CADM2: variants seen among roughly 807,000 people sequenced by gnomAD.
The protein encoded by CADM2 is cell adhesion molecule 2.
Under a neutral mutation model 49.8 loss-of-function variants are expected in CADM2, and 12 were observed. That is an observed-to-expected ratio of 0.24 (90% CI 0.15 to 0.39). The LOEUF (loss-of-function observed/expected upper bound fraction) is 0.39. Among genes scored for constraint, CADM2 ranks in the 10% least tolerant of loss-of-function variants. The pLI, the probability that CADM2 is intolerant of heterozygous loss-of-function variation, is 1.00. For missense variants in CADM2, 378 were observed against 492.3 expected (o/e 0.77, Z 2.20); for synonymous variants, 214 against 175.4 (o/e 1.22, Z -1.74).
chr3:85,422,523 C>T (rs866243298), intron 1 of CADM2, among the ~76,000 whole-genome samples: 1 of 152,280 alleles, frequency 6.6e-6, no homozygotes, highest in South Asian at 2.1e-4. Context: ...GTGATCCTCC[C>T]TTCTCGGCCT....
intron 1 of CADM2, among the ~76,000 whole-genome samples, chr3:85,078,564 A>G (rs2037038254): frequency 6.6e-6 from 1 of 151,950 alleles, no homozygotes; most frequent in South Asian, 2.1e-4. Context: ...AAAGACATTC[A>G]TATGCAGATA....
At chr3:86,002,825 C>A (rs964226900) in intron 8 of CADM2, among the ~76,000 whole-genome samples, 2 of 152,048 alleles carry the variant, frequency 1.3e-5, no homozygotes, top group Non-Finnish European at 1.5e-5. Flanking sequence ...TTTATGGATA[C>A]CTCGTTCTGA....
intron 1 of CADM2, among the ~76,000 whole-genome samples, chr3:85,676,704 A>G (rs753553308): frequency 7.2e-5 from 11 of 152,098 alleles, no homozygotes; most frequent in Non-Finnish European, 1.2e-4. Context: ...AACATGCGTA[A>G]TACTTCTTTC....
rs139333640 is a variant in CADM2, at chr3:85,312,929, G to A, written c.61+353261G>A. On this transcript the variant is annotated intron_variant, in intron 1 of 9. Transcript: ENST00000383699. ...TATTTTTCAACCATGATTCCTATAG[G>A]AGGAAGACTTATGAAATAGCTTCAA... 5.3e-3 allele frequency among the ~76,000 whole-genome samples: 804 copies of A among 152,220 alleles called. 4 individuals carry two copies. The highest frequency in any genetic ancestry group is 0.018 in the African/African-American group (762 of 41,566).
chr3:85,225,578 A>ATT (rs2042139709), intron 1 of CADM2, among the ~76,000 whole-genome samples: 1 of 151,382 alleles, frequency 6.6e-6, no homozygotes, highest in Admixed American at 6.6e-5. Flanking sequence ...TCTTTTCCCA[A>ATT]GAATACCCTT....
chr3:85,386,909 T>C (rs76363701), intron 1 of CADM2, among the ~76,000 whole-genome samples: 5,075 of 152,238 alleles, frequency 0.033, 110 homozygotes, highest in Non-Finnish European at 0.049. Context: ...AATATTCTCA[T>C]AGGTGGAATA....
chr3:85,540,699 C>T (rs1202198855), intron 1 of CADM2, among the ~76,000 whole-genome samples: 1 of 152,152 alleles, frequency 6.6e-6, no homozygotes, highest in Non-Finnish European at 1.5e-5. Flanking sequence ...CATTTTATTG[C>T]AATAGAAACT....
intron 1 of CADM2, among the ~76,000 whole-genome samples, chr3:85,541,765 ATTTTATATT>A (rs879475535): frequency 0.51 from 39,495 of 77,982 alleles, 7,379 homozygotes; most frequent in East Asian, 0.72. Flanking sequence ...TTATATATAT[ATTTTATATT>A]TTATATATAT....
Position 85,739,978 on chromosome 3 carries a change from C to T in CADM2, c.88+13430C>T, listed in dbSNP as rs1484080794. Among the ~76,000 whole-genome samples, 5 of 152,058 alleles carry T rather than the reference C, an allele frequency of 3.3e-5. No individual in the cohort carries two copies. In the South Asian group the frequency reaches 6.2e-4, roughly 19 times the overall value. ...AGATGAAATATTTAATTCTTATTCT[C>T]GCAACTGGATTCAGCTTAATCAGTT... On this transcript the variant is annotated intron_variant, in intron 2 of 9. Transcript: ENST00000383699.
rs564404789 is a variant in CADM2 at position 85,711,613 on chromosome 3, T to C, written c.62-14909T>C. ...TTTCCAATTTACATTCTAGATCACATTGGTTTGTTTGAAAACATCTTTCCT... is the reference window on the plus strand; with the variant it reads ...TTTCCAATTTACATTCTAGATCACACTGGTTTGTTTGAAAACATCTTTCCT... On this transcript the variant is annotated intron_variant, in intron 1 of 9. Transcript: ENST00000383699. 2.0e-5 allele frequency among the ~76,000 whole-genome samples: 3 copies of C among 152,286 alleles called. No individual in the cohort carries two copies. The South Asian group carries it at 6.2e-4, about 32-fold the overall frequency.
At chr3:85,629,364 C>T (rs2064235250) in intron 1 of CADM2, among the ~76,000 whole-genome samples, 1 of 151,692 alleles carries the variant, frequency 6.6e-6, no homozygotes, top group Non-Finnish European at 1.5e-5. Flanking sequence ...GGATTAAAAC[C>T]TGGCAAAACC....
chr3:85,724,818 A>T (rs971144144), intron 1 of CADM2, among the ~76,000 whole-genome samples: 2 of 151,862 alleles, frequency 1.3e-5, no homozygotes, highest in African/African-American at 4.8e-5. Context: ...GTAATTTTTG[A>T]TATATATCAA....
intron 1 of CADM2, among the ~76,000 whole-genome samples, chr3:85,664,563 G>T (rs1055726092): frequency 6.6e-6 from 1 of 151,892 alleles, no homozygotes; most frequent in South Asian, 2.1e-4. Context: ...ACTTTCCCAT[G>T]CAACTAACCT....
intron 8 of CADM2, among the ~76,000 whole-genome samples, chr3:85,987,697 TA>T (rs1246582527): frequency 2.7e-5 from 4 of 146,650 alleles, no homozygotes; most frequent in Admixed American, 6.9e-5. Flanking sequence ...AATAATATAA[TA>T]AAAATAATAT....
intron 1 of CADM2, among the ~76,000 whole-genome samples, chr3:85,348,966 A>G (rs913385569): frequency 9.2e-5 from 14 of 152,178 alleles, no homozygotes; most frequent in Non-Finnish European, 1.2e-4. Flanking sequence ...ATCTTGATCT[A>G]TTACCTACAT....
At chr3:85,746,422 T>A (rs1284870001) in intron 2 of CADM2, among the ~76,000 whole-genome samples, 3 of 152,176 alleles carry the variant, frequency 2.0e-5, no homozygotes, top group African/African-American at 7.2e-5. Flanking sequence ...ATATGGAGAA[T>A]TTGTATTGTA....
At chr3:85,132,665 T>G (rs2039272058) in intron 1 of CADM2, among the ~76,000 whole-genome samples, 1 of 151,934 alleles carries the variant, frequency 6.6e-6, no homozygotes, top group African/African-American at 2.4e-5. Context: ...ACCCTCTCAG[T>G]AATTACAAAG....
intron 1 of CADM2, among the ~76,000 whole-genome samples, chr3:85,365,182 GT>G (rs757075256): frequency 0.11 from 11,212 of 100,440 alleles, 1,137 homozygotes; most frequent in African/African-American, 0.31. Flanking sequence ...AATTGGGAGG[GT>G]TTTTTTTTTT....
chr3:85,066,984 C>T (rs1243247728), intron 1 of CADM2, among the ~76,000 whole-genome samples: 2 of 152,010 alleles, frequency 1.3e-5, no homozygotes, highest in Non-Finnish European at 2.9e-5. Flanking sequence ...TTCGTTTCCA[C>T]AGGGCTATAT....
Sources: gnomAD v4.1 joint callset for allele counts (sites outside exome capture counted in the v4.1 genomes callset) on GRCh38, gnomAD v4.1.1 for gene constraint, MANE v1.5 for transcripts, NCBI Gene and HGNC (gene_info 2026-07-23, HGNC 2026-07-21) for gene names.